RASAL1: variants seen among roughly 807,000 people sequenced by gnomAD.
RASAL1 encodes rasGAP-activating-like protein 1.
A neutral mutation model predicts 96.6 loss-of-function variants in RASAL1; 72 were observed. The ratio of observed to expected loss-of-function variants is 0.75; its 90% CI spans 0.62 to 0.91. The LOEUF (loss-of-function observed/expected upper bound fraction) is 0.91. Ranked by LOEUF, RASAL1 falls within the 40% of genes least tolerant of loss-of-function variation. RASAL1 has a pLI of 0.00. For synonymous variants in RASAL1, 405 were observed against 430.4 expected (o/e 0.94, Z 0.73); for missense variants, 1,016 against 1,072.5 (o/e 0.95, Z 0.74).
intron 8 of RASAL1, among the ~76,000 whole-genome samples, chr12:113,116,337 G>A (rs549305107): frequency 3.9e-5 from 6 of 152,006 alleles, no homozygotes; most frequent in Non-Finnish European, 5.9e-5. Flanking sequence ...TCCAGCCTGC[G>A]TGACAGAGCG....
intron 1 of RASAL1, among the ~76,000 whole-genome samples, chr12:113,134,304 T>C (rs1046015886): frequency 2.0e-5 from 3 of 152,144 alleles, no homozygotes; most frequent in African/African-American, 4.8e-5. Flanking sequence ...GGGTTGGGAA[T>C]GTCATAAAAT....
At chr12:113,113,162 G>T (rs974680722) in intron 12 of RASAL1, among the ~76,000 whole-genome samples, 1 of 152,148 alleles carries the variant, frequency 6.6e-6, no homozygotes, top group African/African-American at 2.4e-5. Flanking sequence ...TTTACAGATT[G>T]AGGGTCTGTC....
chr12:113,132,461 T>G (rs1261337439), intron 1 of RASAL1, among the ~76,000 whole-genome samples: 1 of 151,850 alleles, frequency 6.6e-6, no homozygotes, highest in Non-Finnish European at 1.5e-5. Context: ...GAGCACGGAG[T>G]AACAGTGGAG....
rs370406183 is a variant in RASAL1 at position 113,119,582 on chromosome 12, C to A, written c.429-139G>T. ...CCATGTAGGGGTCCAGCTAGGGACACCCCTAACCATGACCGTCCAAACCCA... is the reference window on the plus strand; with the variant it reads ...CCATGTAGGGGTCCAGCTAGGGACAACCCTAACCATGACCGTCCAAACCCA... On this transcript the variant is annotated intron_variant, in intron 5 of 20. Transcript: ENST00000548055. 1.5e-4 allele frequency: 121 copies of A among 815,598 alleles called. 2 individuals carry two copies. The South Asian group carries it at 1.8e-3, about 12-fold the overall frequency. 50.5% of individuals were successfully genotyped at this position (815,598 alleles called of 1,614,324 possible). A position where few individuals can be genotyped will look rare whatever the true frequency, so the allele number is the denominator to read the frequency against.
In RASAL1 at chr12:113,100,694, G is replaced by C; in HGVS notation, c.2226-14C>G. 1 of 1,605,462 alleles carries C rather than the reference G, an allele frequency of 6.2e-7. No individual in the cohort carries two copies. The highest frequency in any genetic ancestry group is 8.5e-7 in the Non-Finnish European group (1 of 1,173,150). On this transcript the variant is annotated splice_polypyrimidine_tract_variant and intron_variant, in intron 19 of 20. Transcript: ENST00000548055. Reference sequence around the variant, plus strand: ...AGTAATTTCAGCCTGGAAGGTAAGAGGGAGAAAGACAAGTCTGGTCCCTGA... The same window carrying C: ...AGTAATTTCAGCCTGGAAGGTAAGACGGAGAAAGACAAGTCTGGTCCCTGA...
chr12:113,128,260 A>ACACACG, intron 2 of RASAL1, 82 bp from the exon 3 acceptor site: 1 of 736,794 alleles, frequency 1.4e-6, no homozygotes, highest in East Asian at 2.6e-5. Context: ...ACACACACAC[A>ACACACG]CACACACACA....
At position 113,116,019 on chromosome 12, in the gene RASAL1, C is replaced by T. The variant is rs756048027; in HGVS notation, c.764G>A (p.Arg255His). 52 of 1,604,528 alleles carry T rather than the reference C, an allele frequency of 3.2e-5. No individual in the cohort carries two copies. The highest frequency in any genetic ancestry group is 3.7e-5 in the Non-Finnish European group (43 of 1,175,424). The change falls in exon 9 of 21, where the codon CGC (arginine) becomes CAC (histidine). Residue 255 changes from arginine to histidine, a missense_variant. By Grantham distance (29) the Arg-to-His change is conservative. Transcript: ENST00000548055. ...GGGCAGGACGCGGTCCTCAATCAGGCGTACCTTCACTCGCAGGGCACCCAG... is the reference window on the plus strand; with the variant it reads ...GGGCAGGACGCGGTCCTCAATCAGGTGTACCTTCACTCGCAGGGCACCCAG... ...GNLGALRVKV[R>H]LIEDRVLPSQ... is the part of the protein sequence containing the mutation.
At chr12:113,109,994 G>C (rs1055446995) in intron 13 of RASAL1, among the ~76,000 whole-genome samples, 5 of 152,254 alleles carry the variant, frequency 3.3e-5, no homozygotes, top group African/African-American at 1.2e-4. Flanking sequence ...TGGGGGCTGA[G>C]AACTAGAGGA....
chr12:113,135,439 A>G lies in RASAL1; in HGVS notation c.24T>C (p.Asn8=). The G allele has an allele frequency of 6.2e-7, 1 of 1,610,048 alleles. No individual in the cohort carries two copies. Among genetic ancestry groups the G allele is most frequent in the Non-Finnish European group, 8.5e-7 (1 of 1,178,726 alleles). The change falls in exon 1 of 21, where the codon AAT becomes AAC. Residue 8 remains asparagine (N), a synonymous_variant. Transcript: ENST00000548055. The surrounding 1 kb of genome is among the most constrained non-coding windows in gnomAD (Gnocchi z 5.7). ...GCGCGCGGCCCTCCACCACGCGAAC[A>G]TTCAGGGAGCTGCTCTTGGCCATGG... MAKSSSL[N]VRVVEGRALP... is the part of the protein sequence containing the mutation.
intron 7 of RASAL1, 108 bp from the exon 8 acceptor site, chr12:113,117,269 G>T: frequency 2.6e-6 from 2 of 764,652 alleles, no homozygotes; most frequent in Non-Finnish European, 3.9e-6. Context: ...CCACAGAGGG[G>T]CAGAATGGCC....
intron 13 of RASAL1, among the ~76,000 whole-genome samples, chr12:113,110,552 A>G (rs992961586): frequency 6.6e-6 from 1 of 152,172 alleles, no homozygotes; most frequent in African/African-American, 2.4e-5. Flanking sequence ...TCCAACCACA[A>G]ATGTTTTGTA....
chr12:113,103,134 T>G (rs956290719), intron 18 of RASAL1: 2 of 229,958 alleles, frequency 8.7e-6, no homozygotes, highest in African/African-American at 4.7e-5. Flanking sequence ...TAATACATCA[T>G]TATATATTGT....
chr12:113,127,981 G>C, intron 3 of RASAL1, 84 bp downstream of exon 3: 1 of 1,557,040 alleles, frequency 6.4e-7, no homozygotes, highest in Non-Finnish European at 8.8e-7. Flanking sequence ...CACCCTCGTG[G>C]GCTGTGGACC....
At chr12:113,116,360 A>C (rs1951085096) in intron 8 of RASAL1, among the ~76,000 whole-genome samples, 1 of 148,984 alleles carries the variant, frequency 6.7e-6, no homozygotes, top group Non-Finnish European at 1.5e-5. Flanking sequence ...ACTCTGTCTA[A>C]AAAAAAAAAG....
chr12:113,134,462 G>C (rs1329032938), intron 1 of RASAL1, among the ~76,000 whole-genome samples: 2 of 152,186 alleles, frequency 1.3e-5, no homozygotes, highest in Non-Finnish European at 2.9e-5. Context: ...CACCCTCCCA[G>C]CTGGATGGGA....
chr12:113,102,601 G>A (rs1950490836), intron 18 of RASAL1, among the ~76,000 whole-genome samples: 1 of 151,874 alleles, frequency 6.6e-6, no homozygotes. Flanking sequence ...GCACGTCTGT[G>A]GTCCCAGCTA....
chr12:113,101,962 T>C lies in RASAL1; in HGVS notation c.2152A>G (p.Ser718Gly). Residue 718 changes from serine (S) to glycine (G), a missense_variant, in exon 19 of 21, where the codon AGT becomes GGT. By Grantham distance (56) the Ser-to-Gly change is moderately conservative. Transcript: ENST00000548055. ...THSAVTLGDW[S>G]DPLDPDAEAQ... is the part of the protein sequence containing the mutation. ...TCAGCATCAGGATCCAGTGGGTCAC[T>C]CCAGTCCCCCAGGGTGACAGCTGAG... 1 of 1,614,124 alleles carries C rather than the reference T, an allele frequency of 6.2e-7. No homozygotes were observed. The highest frequency in any genetic ancestry group is 8.5e-7 in the Non-Finnish European group (1 of 1,180,010).
rs766228994 is a variant in RASAL1 at position 113,105,898 on chromosome 12, G to A, written c.1658-12C>T. ...TGGGACACCAGCTTCTAGGAGATGG[G>A]AGAAGAGAGCGGTGGACAGTGAGCC... On this transcript the variant is annotated splice_polypyrimidine_tract_variant and intron_variant, in intron 15 of 20. Coordinates refer to ENST00000548055, the MANE Select transcript of RASAL1 (RefSeq NM_001301202.2). The A allele has an allele frequency of 1.9e-6, 3 of 1,610,178 alleles. No individual in the cohort carries two copies. The South Asian group carries it at 3.3e-5, about 18-fold the overall frequency.
upstream of RASAL1, chr12:113,136,153 G>T (rs1289614538): frequency 1.3e-5 from 2 of 152,322 alleles, no homozygotes. Context: ...CAGAGAGAGG[G>T]TCGCATGTTC....
Sources: gnomAD v4.1 joint callset for allele counts (sites outside exome capture counted in the v4.1 genomes callset) on GRCh38, gnomAD v4.1.1 for gene constraint, Gnocchi (gnomAD v3.1) non-coding constraint, MANE v1.5 for transcripts, NCBI Gene and HGNC (gene_info 2026-07-23, HGNC 2026-07-21) for gene names.